Variants in TEX15 observed in about 807,000 individuals in gnomAD.
TEX15 encodes testis expressed 15, meiosis and synapsis associated.
A neutral mutation model predicts 237.3 loss-of-function variants in TEX15; 171 were observed. The observed-to-expected ratio is 0.72, with a 90% CI of 0.64 to 0.82. The LOEUF is 0.82. TEX15 is among the 40% of genes least tolerant of loss of function. TEX15 has a pLI of 0.00. For synonymous variants in TEX15, 1,338 were observed against 1,269.8 expected (o/e 1.05, Z -1.14); for missense variants, 3,750 against 3,646.5 (o/e 1.03, Z -0.73).
chr8:30,897,855 G>A (rs927362314), intron 2 of TEX15, among the ~76,000 whole-genome samples: 2 of 152,026 alleles, frequency 1.3e-5, no homozygotes, highest in African/African-American at 4.8e-5. Context: ...TGAGAGACAA[G>A]GTCTTGCTAT....
In TEX15 at chr8:30,849,196, A is replaced by G. The variant is rs144250900; in HGVS notation, c.971T>C (p.Leu324Ser). 1.3e-5 allele frequency: 20 copies of G among 1,537,884 alleles called. No homozygotes were observed. The highest frequency in any genetic ancestry group is 9.8e-5 in the East Asian group (4 of 40,926). The part of the protein sequence containing the change: ...PVDPFVQENC[L>S]CNALNSEINP... The stretch of plus-strand genomic sequence containing the variant: ...TATCTCTGAATTTAGTGCATTGCAT[A>G]AACAGTTTTCTTGAACAAATGGATC... The change falls in exon 8 of 11, where the codon TTA becomes TCA. Residue 324 changes from leucine to serine, a missense_variant. Physicochemically the swap from Leu to Ser is moderately radical, Grantham distance 145 (BLOSUM62 -2). Coordinates refer to ENST00000643185, the MANE Select transcript of TEX15 (RefSeq NM_001350162.2).
intron 9 of TEX15, among the ~76,000 whole-genome samples, chr8:30,838,691 T>C (rs954063779): frequency 2.3e-4 from 4 of 17,116 alleles, no homozygotes; most frequent in Non-Finnish European, 7.0e-4. Context: ...GAGGTAATTA[T>C]ATATATACAC....
At chr8:30,905,709 C>T (rs1222136722) in intron 1 of TEX15, among the ~76,000 whole-genome samples, 2 of 112,592 alleles carry the variant, frequency 1.8e-5, no homozygotes, top group African/African-American at 3.9e-5. Context: ...GGCAACATGG[C>T]GAAAACCTGT....
At chr8:30,892,763 G>C (rs1253122505) in intron 2 of TEX15, among the ~76,000 whole-genome samples, 1 of 152,200 alleles carries the variant, frequency 6.6e-6, no homozygotes, top group African/African-American at 2.4e-5. Flanking sequence ...GCTGGGCGCA[G>C]TGGCTCACGC....
chr8:30,847,829 C>CA lies in TEX15; in HGVS notation c.2337dup (p.Asp780Ter). The stretch of plus-strand genomic sequence containing the variant: ...ATGTTATAAGATGAAATAACTGTAT[C>CA]AATGAACATTTCTTTGGCCTGGGGT... On this transcript the variant is annotated frameshift_variant, in exon 8 of 11. Transcript: ENST00000643185. LOFTEE classifies it high-confidence loss of function. 6.2e-7 allele frequency: 1 copy of CA among 1,613,834 alleles called. No individual in the cohort carries two copies. The highest frequency in any genetic ancestry group is 8.5e-7 in the Non-Finnish European group (1 of 1,179,942).
Position 30,845,539 on chromosome 8 carries a change from A to G in TEX15, c.4628T>C (p.Leu1543Ser). The change falls in exon 8 of 11, where the codon TTA becomes TCA. Residue 1543 changes from leucine to serine, a missense_variant. Physicochemically the swap from Leu to Ser is moderately radical, Grantham distance 145. Coordinates refer to ENST00000643185, the MANE Select transcript of TEX15 (RefSeq NM_001350162.2). ...AGAAAAGGGCTGATGTTCTTCTGAT[A>G]AACTTGGATTGCTTACACTGCTATT... ...YYNSSVSNPSLSEEHQPFSGK... is the reference protein window; with the variant it reads ...YYNSSVSNPSSSEEHQPFSGK... 6.2e-7 allele frequency: 1 copy of G among 1,613,686 alleles called. No homozygotes were observed. Among genetic ancestry groups the G allele is most frequent in the African/African-American group, 1.3e-5 (1 of 75,034 alleles).
rs932072312 is a variant in TEX15 at position 30,833,205 on chromosome 8, C to T, written c.*81G>A. 46 of 901,074 alleles carry T rather than the reference C, an allele frequency of 5.1e-5. No homozygotes were observed. Among genetic ancestry groups the T allele is most frequent in the Non-Finnish European group, 6.9e-5 (41 of 592,476 alleles). The allele number at this position is 901,074 out of a possible 1,614,324, so 55.8% of individuals were successfully genotyped here. A position where few individuals can be genotyped will look rare whatever the true frequency, so the allele number is the denominator to read the frequency against. On this transcript the variant is annotated 3_prime_UTR_variant, in exon 11 of 11. Transcript: ENST00000643185. Reference sequence around the variant, plus strand: ...TACCACATTTACAAACATTAAAAATCGCTAAATGTTAAAAAATATATAAGT... The same window carrying T: ...TACCACATTTACAAACATTAAAAATTGCTAAATGTTAAAAAATATATAAGT...
chr8:30,856,878 T>C (rs191791585), intron 7 of TEX15, among the ~76,000 whole-genome samples: 5 of 151,948 alleles, frequency 3.3e-5, no homozygotes, highest in South Asian at 2.1e-4. Flanking sequence ...ATTCCATCAA[T>C]CTCAATCAAA....
At position 30,838,021 on chromosome 8, in the gene TEX15, G is replaced by T; in HGVS notation, c.8263C>A (p.Pro2755Thr). The T allele has an allele frequency of 1.9e-6, 3 of 1,613,006 alleles. No homozygotes were observed. Among genetic ancestry groups the T allele is most frequent in the Non-Finnish European group, 2.5e-6 (3 of 1,179,758 alleles). Residue 2755 changes from proline (P) to threonine (T), a missense_variant, in exon 10 of 11, where the codon CCA becomes ACA. Coordinates refer to ENST00000643185, the MANE Select transcript of TEX15 (RefSeq NM_001350162.2). The part of the protein sequence containing the change: ...SHPKSENKIV[P>T]SSCDSLKRNH... The stretch of plus-strand genomic sequence containing the variant: ...CTTTTCAGACTGTCACATGAACTTG[G>T]TACTATTTTGTTTTCGCTTTTGGGA...
chr8:30,856,162 T>A (rs1354892983), intron 7 of TEX15, among the ~76,000 whole-genome samples: 5 of 149,918 alleles, frequency 3.3e-5, no homozygotes, highest in Admixed American at 6.7e-5. Flanking sequence ...GCCAGGCTGG[T>A]CTTGAACTCC....
At chr8:30,900,897 C>T (rs1046648116) in intron 1 of TEX15, among the ~76,000 whole-genome samples, 7 of 152,230 alleles carry the variant, frequency 4.6e-5, no homozygotes, top group African/African-American at 1.7e-4. Context: ...GTGGCTCACA[C>T]CTGTAATCCC....
chr8:30,880,185 C>G (rs964388600), intron 3 of TEX15, among the ~76,000 whole-genome samples: 1 of 151,278 alleles, frequency 6.6e-6, no homozygotes, highest in Middle Eastern at 3.4e-3. Flanking sequence ...CCCACCACCA[C>G]GCCTAGCTAA....
chr8:30,899,860 C>T (rs954424947), intron 1 of TEX15, among the ~76,000 whole-genome samples: 1 of 152,160 alleles, frequency 6.6e-6, no homozygotes, highest in African/African-American at 2.4e-5. Flanking sequence ...AATGAGCTTT[C>T]ATGTTCCTGT....
chr8:30,878,452 C>T (rs1465242358), intron 3 of TEX15, among the ~76,000 whole-genome samples: 5 of 152,174 alleles, frequency 3.3e-5, no homozygotes, highest in African/African-American at 4.8e-5. Flanking sequence ...GGCGCGATCT[C>T]GGCTCACCAC....
chr8:30,841,708 T>C (rs1414619903), intron 8 of TEX15, among the ~76,000 whole-genome samples: 2 of 152,192 alleles, frequency 1.3e-5, no homozygotes, highest in Admixed American at 6.5e-5. Flanking sequence ...GTTCATAATA[T>C]TGAACTCCTT....
chr8:30,900,742 T>A (rs911321534), intron 1 of TEX15, among the ~76,000 whole-genome samples: 1 of 152,040 alleles, frequency 6.6e-6, no homozygotes, highest in Non-Finnish European at 1.5e-5. Context: ...ATCCCTGCAA[T>A]AGGAAAAAGA....
chr8:30,834,995 C>T (rs903781681), intron 10 of TEX15, among the ~76,000 whole-genome samples: 3 of 152,140 alleles, frequency 2.0e-5, no homozygotes, highest in African/African-American at 7.2e-5. Context: ...ATTCTCTGGG[C>T]CTGATGCCTC....
intron 4 of TEX15, among the ~76,000 whole-genome samples, chr8:30,870,695 G>A (rs554220804): frequency 3.9e-4 from 59 of 152,144 alleles, no homozygotes; most frequent in African/African-American, 1.3e-3. Context: ...AACGCTGACA[G>A]CTAAGAGAAA....
At chr8:30,896,273 T>C (rs1035484038) in intron 2 of TEX15, among the ~76,000 whole-genome samples, 1 of 152,210 alleles carries the variant, frequency 6.6e-6, no homozygotes, top group Non-Finnish European at 1.5e-5. Flanking sequence ...GAGCAAAGAA[T>C]GCATGGCAGT....
Sources: gnomAD v4.1 joint callset for allele counts (sites outside exome capture counted in the v4.1 genomes callset) on GRCh38, gnomAD v4.1.1 for gene constraint, MANE v1.5 for transcripts, NCBI Gene and HGNC (gene_info 2026-07-23, HGNC 2026-07-21) for gene names.